DNAH7: variants seen among roughly 807,000 people sequenced by gnomAD.
DNAH7 encodes dynein axonemal heavy chain 7, also known as axonemal beta dynein heavy chain 7.
DNAH7 carries 397 observed loss-of-function variants against 444.6 expected under a neutral mutation model. The ratio of observed to expected loss-of-function variants is 0.89; its 90% CI spans 0.82 to 0.97. The LOEUF is 0.97. Ranked by LOEUF, DNAH7 falls within the 50% of genes least tolerant of loss-of-function variation. The pLI is 0.00. For missense variants in DNAH7, 4,902 were observed against 4,800.8 expected, an observed-to-expected ratio of 1.02 and a Z score of -0.62; for synonymous variants, 1,636 against 1,624.4, an observed-to-expected ratio of 1.01 and a Z score of -0.17.
chr2:196,062,247 C>A (rs999535675), intron 1 of DNAH7, among the ~76,000 whole-genome samples: 1 of 152,222 alleles, frequency 6.6e-6, no homozygotes, highest in African/African-American at 2.4e-5. Context: ...TCCCTCATAT[C>A]TTCTCTTCCT....
At chr2:195,784,179 C>T (rs911584360) in intron 58 of DNAH7, among the ~76,000 whole-genome samples, 1 of 152,160 alleles carries the variant, frequency 6.6e-6, no homozygotes, top group African/African-American at 2.4e-5. Context: ...ATTCATAATG[C>T]TGTGTATCTA....
rs370738882 is a variant in DNAH7 at position 195,926,478 on chromosome 2, G to T, written c.3560C>A (p.Ser1187Tyr). 102 of 1,603,068 alleles carry T rather than the reference G, an allele frequency of 6.4e-5. No homozygotes were observed. The highest frequency in any genetic ancestry group is 8.1e-5 in the Non-Finnish European group (95 of 1,175,506). Residue 1187 changes from serine to tyrosine, a missense_variant, in exon 22 of 65, where the codon TCC (serine) becomes TAC (tyrosine). By Grantham distance (144) the Ser-to-Tyr change is moderately radical (BLOSUM62 -2). Coordinates refer to ENST00000312428, the MANE Select transcript of DNAH7 (RefSeq NM_018897.3). ...TACTTCTTTTGTCCAAAAGATTTGG[G>T]ATACACAGAGAACAGTCTGTCCAGG... is the stretch of plus-strand genomic sequence containing the variant. ...DWPGQTVLCVSQIFWTKEVQT... is the reference protein window; with the variant it reads ...DWPGQTVLCVYQIFWTKEVQT...
intron 51 of DNAH7, among the ~76,000 whole-genome samples, chr2:195,810,114 A>G (rs1696894643): frequency 6.6e-6 from 1 of 152,086 alleles, no homozygotes; most frequent in Non-Finnish European, 1.5e-5. Context: ...CCTCTTGGAA[A>G]AAAGTTAGTG....
At chr2:195,805,221 T>G (rs192024538) in intron 54 of DNAH7, among the ~76,000 whole-genome samples, 1 of 152,352 alleles carries the variant, frequency 6.6e-6, no homozygotes, top group Non-Finnish European at 1.5e-5. Context: ...GCCTCATTAA[T>G]CACTTTTAAT....
intron 2 of DNAH7, among the ~76,000 whole-genome samples, chr2:196,057,234 T>C (rs1217144278): frequency 6.6e-6 from 1 of 152,152 alleles, no homozygotes; most frequent in African/African-American, 2.4e-5. Context: ...CAGTCAAACA[T>C]GAGCACAATA....
chr2:195,749,402 A>T (rs1276598003), intron 63 of DNAH7, among the ~76,000 whole-genome samples: 4 of 151,786 alleles, frequency 2.6e-5, no homozygotes, highest in African/African-American at 4.8e-5. Context: ...AACTAGTTCA[A>T]CCATTGTGGA....
intron 17 of DNAH7, among the ~76,000 whole-genome samples, chr2:195,961,905 A>G (rs1268118880): frequency 6.6e-6 from 1 of 152,154 alleles, no homozygotes; most frequent in Non-Finnish European, 1.5e-5. Context: ...TAATTTTTCA[A>G]TAATAATAAT....
chr2:195,881,700 C>A, intron 36 of DNAH7, 95 bp downstream of exon 36: 1 of 1,320,120 alleles, frequency 7.6e-7, no homozygotes, highest in Non-Finnish European at 1.0e-6. Context: ...CATCAAAGTA[C>A]TTGAGTATTT....
chr2:195,775,344 T>C (rs1263848563), intron 60 of DNAH7, among the ~76,000 whole-genome samples: 2 of 152,220 alleles, frequency 1.3e-5, no homozygotes, highest in African/African-American at 2.4e-5. Context: ...TTTTAAATGT[T>C]ATACTAATAT....
At chr2:195,978,360 T>G (rs1448924808) in intron 15 of DNAH7, among the ~76,000 whole-genome samples, 1 of 152,086 alleles carries the variant, frequency 6.6e-6, no homozygotes, top group African/African-American at 2.4e-5. Flanking sequence ...AGATATTATT[T>G]GCAAAATTTA....
chr2:196,064,352 AAAT>A (rs1288017933), intron 1 of DNAH7, among the ~76,000 whole-genome samples: 1 of 148,460 alleles, frequency 6.7e-6, no homozygotes, highest in African/African-American at 2.5e-5. Context: ...AATAAATAAT[AAAT>A]AATAAATAAA....
chr2:195,868,803 C>A (rs1203062261), intron 40 of DNAH7, among the ~76,000 whole-genome samples: 1 of 149,510 alleles, frequency 6.7e-6, no homozygotes, highest in Non-Finnish European at 1.5e-5. Context: ...TGTCTCAGAG[C>A]CATGGAGAAG....
chr2:195,778,643 A>ATATAT (rs1336691686), intron 58 of DNAH7, among the ~76,000 whole-genome samples: 1 of 56,252 alleles, frequency 1.8e-5, no homozygotes, highest in South Asian at 6.3e-4. Flanking sequence ...TAAATAAATA[A>ATATAT]ATATATATAT....
chr2:195,824,771 A>T (rs1697642789), intron 48 of DNAH7, among the ~76,000 whole-genome samples: 1 of 152,280 alleles, frequency 6.6e-6, no homozygotes, highest in South Asian at 2.1e-4. Context: ...CATCTGAGAC[A>T]CCAGAGAAAA....
At chr2:195,756,686 T>C (rs1219122184) in intron 61 of DNAH7, among the ~76,000 whole-genome samples, 2 of 152,060 alleles carry the variant, frequency 1.3e-5, no homozygotes, top group African/African-American at 2.4e-5. Context: ...ACTGATTTTT[T>C]ACTTTAAAAA....
chr2:195,916,884 G>T (rs1687714879), intron 24 of DNAH7, among the ~76,000 whole-genome samples: 1 of 151,684 alleles, frequency 6.6e-6, no homozygotes, highest in Admixed American at 6.6e-5. Context: ...CGGATCACGA[G>T]GTCAGGAGAT....
intron 61 of DNAH7, among the ~76,000 whole-genome samples, chr2:195,767,025 A>T (rs1215451552): frequency 6.6e-6 from 1 of 151,672 alleles, no homozygotes; most frequent in Non-Finnish European, 1.5e-5. Context: ...TGAGTCTATT[A>T]TGTTTGTTTT....
At chr2:196,030,031 C>A (rs1462171568) in intron 5 of DNAH7, among the ~76,000 whole-genome samples, 1 of 152,106 alleles carries the variant, frequency 6.6e-6, no homozygotes, top group Non-Finnish European at 1.5e-5. Flanking sequence ...TCACAAATTT[C>A]TGGAACCTGA....
chr2:195,876,693 GAAAATTCTATATAAC>G lies in DNAH7; in HGVS notation c.5962-9_5967del. The G allele has an allele frequency of 6.4e-7, 1 of 1,569,542 alleles. No homozygotes were observed. Among genetic ancestry groups the G allele is most frequent in the South Asian group, 1.1e-5 (1 of 87,492 alleles). On this transcript the variant is annotated splice_acceptor_variant and splice_polypyrimidine_tract_variant and coding_sequence_variant and intron_variant, in exon 37 of 65. Coordinates refer to ENST00000312428, the MANE Select transcript of DNAH7 (RefSeq NM_018897.3). LOFTEE classifies it high-confidence loss of function. ...ATTTCCTTATTTAGTTGATTTAAAA[GAAAATTCTATATAAC>G]AAAATAATAAAATGAGCCATAGTTG...
Sources: allele counts gnomAD v4.1 joint callset (sites outside exome capture counted in the v4.1 genomes callset), GRCh38; gene constraint gnomAD v4.1.1; transcripts MANE v1.5; gene names NCBI Gene and HGNC (gene_info 2026-07-23, HGNC 2026-07-21).